The following PPP4R4 variants were observed in gnomAD, a reference collection of about 807,000 sequenced individuals.
The protein encoded by PPP4R4 is serine/threonine-protein phosphatase 4 regulatory subunit 4.
PPP4R4 carries 70 observed loss-of-function variants against 121.8 expected under a neutral mutation model. The ratio of observed to expected loss-of-function variants is 0.57; its 90% confidence interval spans 0.47 to 0.70. The LOEUF is 0.70. Ranked by LOEUF, PPP4R4 falls within the 30% of genes least tolerant of loss-of-function variation. The pLI is 0.00. For synonymous variants in PPP4R4, 348 were observed against 355.7 expected, an observed-to-expected ratio of 0.98 and a Z score of 0.24; for missense variants, 875 against 1,033.6, an observed-to-expected ratio of 0.85 and a Z score of 2.10.
At chr14:94,253,839 AAC>A (rs1294939583) in intron 16 of PPP4R4, among the ~76,000 whole-genome samples, 3 of 152,174 alleles carry the variant, frequency 2.0e-5, no homozygotes, top group African/African-American at 7.2e-5. Flanking sequence ...TGTGTCCAGC[AAC>A]ACTGTATGCT....
At chr14:94,246,655 G>A in intron 14 of PPP4R4, 116 bp downstream of exon 14, 1 of 1,167,724 alleles carries the variant, frequency 8.6e-7, no homozygotes, top group Non-Finnish European at 1.2e-6. Context: ...ATTCTACCTA[G>A]GAGGATGTCA....
chr14:94,197,222 G>A (rs1028865527), intron 2 of PPP4R4, among the ~76,000 whole-genome samples: 1 of 152,096 alleles, frequency 6.6e-6, no homozygotes, highest in Non-Finnish European at 1.5e-5. Context: ...AGTTTTGAAA[G>A]TTCATGGGGA....
chr14:94,245,694 T>C, intron 13 of PPP4R4, 24 bp downstream of exon 13: 1 of 1,493,684 alleles, frequency 6.7e-7, no homozygotes, highest in Non-Finnish European at 9.3e-7. Flanking sequence ...TTCAGAAACA[T>C]TCTGAGTTGT....
chr14:94,187,348 A>G (rs923042578), intron 2 of PPP4R4, among the ~76,000 whole-genome samples: 1 of 152,182 alleles, frequency 6.6e-6, no homozygotes, highest in Non-Finnish European at 1.5e-5. Flanking sequence ...AATCTACTTT[A>G]ATATTCACAT....
Position 94,254,349 on chromosome 14 carries a change from A to G in PPP4R4, c.1866-2111A>G, listed in dbSNP as rs1595529684. Among the ~76,000 whole-genome samples the G allele has an allele frequency of 3.3e-5, 5 of 152,252 alleles. 1 individual carries two copies. In the South Asian group the frequency reaches 1.0e-3, roughly 32 times the overall value. Reference sequence around the variant, plus strand: ...TTAGACAATGTCAAGCTGGAAAAAGACTCTTGGTATTCAGAGAAGCCTTTT... The same window carrying G: ...TTAGACAATGTCAAGCTGGAAAAAGGCTCTTGGTATTCAGAGAAGCCTTTT... On this transcript the variant is annotated intron_variant, in intron 16 of 24. Transcript: ENST00000304338.
intron 2 of PPP4R4, among the ~76,000 whole-genome samples, chr14:94,197,301 C>T (rs1422730678): frequency 6.6e-6 from 1 of 152,104 alleles, no homozygotes; most frequent in Non-Finnish European, 1.5e-5. Flanking sequence ...GATACAAAAC[C>T]ATTTGCAGTT....
chr14:94,254,131 C>G (rs980984975), intron 16 of PPP4R4, among the ~76,000 whole-genome samples: 1 of 152,156 alleles, frequency 6.6e-6, no homozygotes, highest in Non-Finnish European at 1.5e-5. Context: ...GGTGTGGTCC[C>G]TAATCTCAAG....
Position 94,208,543 on chromosome 14 carries a change from C to T in PPP4R4, c.271C>T (p.Arg91Trp), listed in dbSNP as rs775143285. Residue 91 changes from arginine (R) to tryptophan (W), a missense_variant, in exon 3 of 25, where the codon CGG becomes TGG. Physicochemically the swap from Arg to Trp is moderately radical, Grantham distance 101. Coordinates refer to ENST00000304338, the MANE Select transcript of PPP4R4 (RefSeq NM_058237.2). ...LMRQNPTETL[R>W]RVLPKVREAL... The stretch of plus-strand genomic sequence containing the variant: ...GCGACAGAATCCCACTGAGACGCTT[C>T]GGAGAGTGTTGCCAAAAGTCAGAGT... 64 of 1,610,046 alleles carry T rather than the reference C, an allele frequency of 4.0e-5. No individual in the cohort carries two copies. Among genetic ancestry groups the T allele is most frequent in the Non-Finnish European group, 4.9e-5 (58 of 1,177,032 alleles).
At position 94,230,585 on chromosome 14, in the gene PPP4R4, A is replaced by C; in HGVS notation, c.295-2A>C. On this transcript the variant is annotated splice_acceptor_variant, in intron 3 of 24. Coordinates refer to ENST00000304338, the MANE Select transcript of PPP4R4 (RefSeq NM_058237.2). LOFTEE classifies it high-confidence loss of function. ...AATAGCAAACTCTTTCTGATTATAC[A>C]GGAAGCCCTGCATGTTGCAGGAGTG... The C allele has an allele frequency of 6.2e-7, 1 of 1,608,340 alleles. No homozygotes were observed. Among genetic ancestry groups the C allele is most frequent in the Non-Finnish European group, 8.5e-7 (1 of 1,176,178 alleles).
intron 2 of PPP4R4, among the ~76,000 whole-genome samples, chr14:94,194,771 A>T (rs1023575385): frequency 6.6e-6 from 1 of 152,040 alleles, no homozygotes; most frequent in Non-Finnish European, 1.5e-5. Flanking sequence ...ACCGGGCAAT[A>T]CTTGGTTTAT....
At chr14:94,177,656 C>G (rs764564520) in intron 2 of PPP4R4, among the ~76,000 whole-genome samples, 3 of 152,168 alleles carry the variant, frequency 2.0e-5, no homozygotes, top group Non-Finnish European at 4.4e-5. Context: ...GAGTCTTGCT[C>G]TATTTACTTG....
At chr14:94,184,468 AGTCTT>A (rs1382423448) in intron 2 of PPP4R4, among the ~76,000 whole-genome samples, 1 of 152,060 alleles carries the variant, frequency 6.6e-6, no homozygotes, top group Non-Finnish European at 1.5e-5. Context: ...TCTATTGCCC[AGTCTT>A]GTCTTGAACT....
chr14:94,240,215 A>AT (rs1892555769), intron 8 of PPP4R4, among the ~76,000 whole-genome samples: 1 of 152,238 alleles, frequency 6.6e-6, no homozygotes, highest in South Asian at 2.1e-4. Context: ...CATAGAACAT[A>AT]TTATAAGCTA....
At chr14:94,229,517 A>G (rs1302976759) in intron 3 of PPP4R4, among the ~76,000 whole-genome samples, 1 of 152,224 alleles carries the variant, frequency 6.6e-6, no homozygotes, top group Non-Finnish European at 1.5e-5. Flanking sequence ...TCCAAAGGTA[A>G]CATAGACAGA....
At chr14:94,249,310 TA>T (rs1893059536) in intron 14 of PPP4R4, among the ~76,000 whole-genome samples, 1 of 151,992 alleles carries the variant, frequency 6.6e-6, no homozygotes, top group Non-Finnish European at 1.5e-5. Flanking sequence ...TTCAACAGAT[TA>T]AAAACCCCAC....
chr14:94,234,868 C>T (rs925804883), intron 7 of PPP4R4, among the ~76,000 whole-genome samples, 199 bp downstream of exon 7: 3 of 152,164 alleles, frequency 2.0e-5, no homozygotes, highest in African/African-American at 7.2e-5. Flanking sequence ...GCTTAGTTAT[C>T]ATTCCAGACA....
At chr14:94,256,376 C>A in intron 16 of PPP4R4, 84 bp from the exon 17 acceptor site, 2 of 1,104,116 alleles carry the variant, frequency 1.8e-6, no homozygotes, top group Non-Finnish European at 2.6e-6. Context: ...AACTCTCAGG[C>A]TATCTAAAAC....
At chr14:94,260,134 T>A (rs1263926567) in intron 19 of PPP4R4, among the ~76,000 whole-genome samples, 5 of 151,950 alleles carry the variant, frequency 3.3e-5, no homozygotes, top group African/African-American at 1.2e-4. Flanking sequence ...AAACTAAATT[T>A]AAAAAAATGG....
intron 23 of PPP4R4, among the ~76,000 whole-genome samples, chr14:94,273,513 CTGTA>C (rs1325824652): frequency 6.6e-6 from 1 of 152,090 alleles, no homozygotes; most frequent in East Asian, 1.9e-4. Flanking sequence ...TGAAAACACT[CTGTA>C]TGATACCAAA....
Sources: gnomAD v4.1 joint callset for allele counts (sites outside exome capture counted in the v4.1 genomes callset) on GRCh38, gnomAD v4.1.1 for gene constraint, MANE v1.5 for transcripts, NCBI Gene and HGNC (gene_info 2026-07-23, HGNC 2026-07-21) for gene names.